UTS2: variants seen among roughly 807,000 people sequenced by gnomAD.
UTS2 encodes the protein urotensin 2.
UTS2 carries 10 observed loss-of-function variants against 12.6 expected under a neutral mutation model. The observed-to-expected ratio is 0.80, with a 90% CI of 0.49 to 1.35. The LOEUF is 1.35. Ranked by LOEUF, UTS2 falls within the 40% of genes most tolerant of loss-of-function variation. The pLI is 0.00. For synonymous variants in UTS2, 52 were observed against 50.0 expected, an observed-to-expected ratio of 1.04 and a Z score of -0.17; for missense variants, 142 against 143.2, an observed-to-expected ratio of 0.99 and a Z score of 0.04.
the UTS2 span, among the ~76,000 whole-genome samples, chr1:7,897,074 G>A: frequency 6.6e-6 from 1 of 151,994 alleles, no homozygotes; most frequent in Admixed American, 6.6e-5. Context: ...TGAGATTTCT[G>A]TTTCTACATT....
At chr1:7,878,056 T>C in the UTS2 span, among the ~76,000 whole-genome samples, 448 of 152,252 alleles carry the variant, frequency 2.9e-3, no homozygotes, top group African/African-American at 9.7e-3. Context: ...GAGAAAAGTG[T>C]CAAGTCACAT....
chr1:7,902,943 C>T, the UTS2 span, among the ~76,000 whole-genome samples: 5 of 152,068 alleles, frequency 3.3e-5, no homozygotes, highest in African/African-American at 1.2e-4. Context: ...CTACTGCCCT[C>T]TTGTGGTAGA....
chr1:7,852,987 G>A lies in UTS2; in HGVS notation c.17C>T (p.Ser6Phe), dbSNP rs1345173947. The A allele has an allele frequency of 6.2e-7, 1 of 1,613,404 alleles. No individual in the cohort carries two copies. The highest frequency in any genetic ancestry group is 8.5e-7 in the Non-Finnish European group (1 of 1,179,786). The change falls in exon 1 of 4, where the codon TCC (serine) becomes TTC (phenylalanine). Residue 6 changes from serine to phenylalanine, a missense_variant. Ser to Phe is a radical substitution (Grantham distance 155). Coordinates refer to ENST00000361696, the MANE Select transcript of UTS2 (RefSeq NM_006786.4). MYKLA[S>F]CCLLFIGFLN... ...GAATCCTATGAAAAGCAAACAGCAG[G>A]AGGCCAGCTTATACATGATCGCCAC...
chr1:7,850,928 G>C lies in UTS2; in HGVS notation c.104-6C>G, dbSNP rs1490465451. On this transcript the variant is annotated splice_region_variant and splice_polypyrimidine_tract_variant and intron_variant, in intron 1 of 3. Transcript: ENST00000361696. ...GCGCGCGTCTTCATGAGGTGCTACA[G>C]AGTAAAAACAGATACTTAGAATTGG... is the stretch of plus-strand genomic sequence containing the variant. The C allele has an allele frequency of 6.2e-7, 1 of 1,613,872 alleles. No individual in the cohort carries two copies. The highest frequency in any genetic ancestry group is 1.7e-5 in the Admixed American group (1 of 60,020).
intron 1 of UTS2, among the ~76,000 whole-genome samples, chr1:7,852,112 G>A (rs899830149): frequency 1.3e-5 from 2 of 151,882 alleles, no homozygotes; most frequent in Non-Finnish European, 2.9e-5. Flanking sequence ...TTTTAGAGAC[G>A]AGAAACTATA....
chr1:7,906,685 A>G, the UTS2 span, among the ~76,000 whole-genome samples: 1 of 152,180 alleles, frequency 6.6e-6, no homozygotes, highest in African/African-American at 2.4e-5. Context: ...GAATGCCAAT[A>G]TCAACACCAG....
At chr1:7,898,092 C>T in the UTS2 span, among the ~76,000 whole-genome samples, 1 of 152,120 alleles carries the variant, frequency 6.6e-6, no homozygotes, top group Admixed American at 6.5e-5. Flanking sequence ...TGTATACAAC[C>T]ATGCCATCTG....
chr1:7,900,803 G>A, the UTS2 span, among the ~76,000 whole-genome samples: 18,428 of 151,816 alleles, frequency 0.12, 2,459 homozygotes, highest in East Asian at 0.55. Flanking sequence ...ATTGTTTCAT[G>A]TTTTTGCCTC....
At chr1:7,872,515 T>C in the UTS2 span, among the ~76,000 whole-genome samples, 39 of 152,202 alleles carry the variant, frequency 2.6e-4, no homozygotes, top group Admixed American at 2.5e-3. Context: ...TTCTTGCTGA[T>C]ATGGAGAAAG....
At chr1:7,864,156 A>G in the UTS2 span, among the ~76,000 whole-genome samples, 1 of 152,224 alleles carries the variant, frequency 6.6e-6, no homozygotes, top group East Asian at 1.9e-4. Flanking sequence ...GACAGCTCCA[A>G]CAATGTAAAG....
the UTS2 span, among the ~76,000 whole-genome samples, chr1:7,873,642 G>A: frequency 4.6e-5 from 7 of 152,298 alleles, no homozygotes; most frequent in African/African-American, 1.7e-4. Context: ...TTGAACTGAC[G>A]AGGAGTTGCT....
At chr1:7,908,192 C>T in the UTS2 span, among the ~76,000 whole-genome samples, 21 of 151,518 alleles carry the variant, frequency 1.4e-4, 1 homozygote, top group South Asian at 1.0e-3. Flanking sequence ...CCAGCTACTC[C>T]GGAGCCTGGG....
At chr1:7,886,178 AG>A in the UTS2 span, among the ~76,000 whole-genome samples, 3 of 151,936 alleles carry the variant, frequency 2.0e-5, no homozygotes, top group African/African-American at 7.2e-5. Context: ...TCTCCCCGGG[AG>A]GGGGGAGGGC....
At chr1:7,909,170 G>A in the UTS2 span, among the ~76,000 whole-genome samples, 71 of 152,286 alleles carry the variant, frequency 4.7e-4, no homozygotes, top group African/African-American at 1.6e-3. Flanking sequence ...CAGGACACAC[G>A]GGGATTATGG....
the UTS2 span, among the ~76,000 whole-genome samples, chr1:7,899,537 C>T: frequency 2.0e-5 from 3 of 152,112 alleles, no homozygotes; most frequent in African/African-American, 4.8e-5. Context: ...GACAAGGTCT[C>T]ACTCTGATGC....
chr1:7,849,507 G>T, intron 3 of UTS2, 133 bp downstream of exon 3: 2 of 806,834 alleles, frequency 2.5e-6, no homozygotes, highest in Non-Finnish European at 3.8e-6. Context: ...TACCGCGCCT[G>T]GTCATGCTGG....
the UTS2 span, among the ~76,000 whole-genome samples, chr1:7,879,716 G>A: frequency 6.6e-6 from 1 of 151,574 alleles, no homozygotes; most frequent in African/African-American, 2.4e-5. Context: ...ACTCCGGCCT[G>A]GATGATAGAG....
chr1:7,878,481 C>T, the UTS2 span, among the ~76,000 whole-genome samples: 2 of 152,142 alleles, frequency 1.3e-5, no homozygotes, highest in African/African-American at 4.8e-5. Context: ...CAACCAGAAA[C>T]AATTTCTATT....
chr1:7,907,505 A>T, the UTS2 span, among the ~76,000 whole-genome samples: 2 of 152,062 alleles, frequency 1.3e-5, no homozygotes, highest in Non-Finnish European at 2.9e-5. Flanking sequence ...ACATTTTTTT[A>T]AATTTAAAAA....
Sources: allele counts gnomAD v4.1 joint callset (sites outside exome capture counted in the v4.1 genomes callset), GRCh38; gene constraint gnomAD v4.1.1; transcripts MANE v1.5; gene names NCBI Gene and HGNC (gene_info 2026-07-23, HGNC 2026-07-21).